Variants in MAP2K3 observed in about 807,000 individuals in gnomAD.
MAP2K3 encodes mitogen-activated protein kinase kinase 3, also known as dual specificity mitogen-activated protein kinase kinase 3.
Under a neutral mutation model 46.4 loss-of-function variants are expected in MAP2K3, and 30 were observed. The ratio of observed to expected loss-of-function variants is 0.65; its 90% CI spans 0.48 to 0.88. The LOEUF (loss-of-function observed/expected upper bound fraction) is 0.88, where lower values mean the gene tolerates loss of function less well. Among genes scored for constraint, MAP2K3 ranks in the 40% least tolerant of loss-of-function variants. MAP2K3 has a pLI of 0.00. For missense variants in MAP2K3, 380 were observed against 464.5 expected, an observed-to-expected ratio of 0.82 and a Z score of 1.67; for synonymous variants, 189 against 176.3, an observed-to-expected ratio of 1.07 and a Z score of -0.57.
At chr17:21,296,210 G>C (rs1339531964) in intron 1 of MAP2K3, 1 of 1,286,884 alleles carries the variant, frequency 7.8e-7, no homozygotes, top group African/African-American at 1.5e-5. Context: ...GTGCGGGGCA[G>C]GTGGGTGGCA....
At chr17:21,293,843 A>C (rs910612692) in intron 1 of MAP2K3, among the ~76,000 whole-genome samples, 20 of 152,272 alleles carry the variant, frequency 1.3e-4, no homozygotes, top group Non-Finnish European at 1.5e-4. Context: ...GCACTTGGTT[A>C]GATGGGAGAA....
chr17:21,292,164 G>GTGCT (rs1186914911), intron 1 of MAP2K3, among the ~76,000 whole-genome samples: 1 of 152,308 alleles, frequency 6.6e-6, no homozygotes, highest in Admixed American at 6.5e-5. Context: ...GCAGCCTGCT[G>GTGCT]CGGGGGCTGT....
At chr17:21,294,446 G>A (rs1175178820) in intron 1 of MAP2K3, among the ~76,000 whole-genome samples, 5 of 152,308 alleles carry the variant, frequency 3.3e-5, no homozygotes. Flanking sequence ...TCTTGCCCCT[G>A]TGGGTGACCC....
chr17:21,300,916 C>T lies in MAP2K3; in HGVS notation c.322C>T (p.Leu108Phe), dbSNP rs1322230590. 2 of 1,614,242 alleles carry T rather than the reference C, an allele frequency of 1.2e-6. No individual in the cohort carries two copies. Among genetic ancestry groups the T allele is most frequent in the Non-Finnish European group, 1.7e-6 (2 of 1,180,050 alleles). ...TVNSQEQKRL[L>F]MDLDINMRTV... is the part of the protein sequence containing the mutation. ...GAACTCACAGGAGCAGAAGCGGCTGCTCATGGACCTGGACATCAACATGCG... is the reference window on the plus strand; with the variant it reads ...GAACTCACAGGAGCAGAAGCGGCTGTTCATGGACCTGGACATCAACATGCG... The change falls in exon 5 of 12, where the codon CTC (leucine) becomes TTC (phenylalanine). Residue 108 changes from leucine to phenylalanine, a missense_variant. Around this residue, in one of 5 missense-constraint regions of MAP2K3, gnomAD observed 294 missense variants for 275.4 expected, o/e 1.07. Coordinates refer to ENST00000342679, the MANE Select transcript of MAP2K3 (RefSeq NM_145109.3).
intron 1 of MAP2K3, among the ~76,000 whole-genome samples, chr17:21,286,178 T>TA (rs1975717517): frequency 6.6e-6 from 1 of 152,224 alleles, no homozygotes. Flanking sequence ...TCTCTCAGCG[T>TA]AGCACCTGGC....
intron 1 of MAP2K3, chr17:21,285,334 T>G (rs971764757): frequency 1.7e-5 from 16 of 968,822 alleles, no homozygotes; most frequent in South Asian, 9.5e-5. Flanking sequence ...CAGGTGAGAT[T>G]CACACTGGCC....
At chr17:21,287,889 A>G (rs1567655832) in intron 1 of MAP2K3, 1 of 468,848 alleles carries the variant, frequency 2.1e-6, no homozygotes, top group East Asian at 7.0e-5. Context: ...GCACTGTTGT[A>G]TCCTAGCCCT....
intron 1 of MAP2K3, among the ~76,000 whole-genome samples, chr17:21,287,176 T>G (rs914935227): frequency 2.6e-5 from 4 of 152,212 alleles, no homozygotes; most frequent in Non-Finnish European, 4.4e-5. Flanking sequence ...ACCCCTGGCC[T>G]TGCTCAGAGC....
At chr17:21,300,813 T>A (rs1976553128) in intron 4 of MAP2K3, 61 bp from the exon 5 acceptor site, 1 of 1,613,028 alleles carries the variant, frequency 6.2e-7, no homozygotes, top group Admixed American at 1.7e-5. Flanking sequence ...GGCCCTCCTG[T>A]CATGAGTGTG....
intron 4 of MAP2K3, 59 bp from the exon 5 acceptor site, chr17:21,300,810 CTGTCA>C: frequency 6.2e-7 from 1 of 1,612,884 alleles, no homozygotes; most frequent in South Asian, 1.1e-5. Flanking sequence ...CCTGGCCCTC[CTGTCA>C]TGAGTGTGGG....
chr17:21,291,993 G>A (rs1343825805), intron 1 of MAP2K3, among the ~76,000 whole-genome samples: 1 of 152,312 alleles, frequency 6.6e-6, no homozygotes, highest in Non-Finnish European at 1.5e-5. Flanking sequence ...ACGGGCCGAC[G>A]CTGTGGTGGT....
At chr17:21,295,601 A>G in intron 1 of MAP2K3, 1 of 1,283,640 alleles carries the variant, frequency 7.8e-7, no homozygotes, top group Non-Finnish European at 1.0e-6. Context: ...GGCCTCACCC[A>G]CTCCCTCTGA....
intron 8 of MAP2K3, 25 bp downstream of exon 8, chr17:21,304,578 G>T: frequency 6.2e-7 from 1 of 1,614,218 alleles, no homozygotes; most frequent in Non-Finnish European, 8.5e-7. Flanking sequence ...AGCCCCCCAG[G>T]CTCAGGAGAG....
intron 1 of MAP2K3, among the ~76,000 whole-genome samples, chr17:21,293,858 C>T (rs1168983733): frequency 6.6e-6 from 1 of 152,310 alleles, no homozygotes; most frequent in African/African-American, 2.4e-5. Context: ...GGAGAACCTT[C>T]CCCTTGTCCT....
chr17:21,289,198 G>A (rs1302769364), intron 1 of MAP2K3, among the ~76,000 whole-genome samples: 2 of 152,206 alleles, frequency 1.3e-5, no homozygotes, highest in Non-Finnish European at 1.5e-5. Context: ...GGTCCCCAAC[G>A]TGGGGCTGGG....
At chr17:21,300,400 A>C in intron 3 of MAP2K3, 145 bp from the exon 4 acceptor site, 1 of 816,952 alleles carries the variant, frequency 1.2e-6, no homozygotes, top group Non-Finnish European at 2.0e-6. Context: ...GCTGAGGGTC[A>C]CACAGCAGGG....
In MAP2K3 at chr17:21,314,470, T is replaced by A. The variant is rs2363191; in HGVS notation, c.*240T>A. 3.3e-5 allele frequency: 18 copies of A among 544,330 alleles called. No individual in the cohort carries two copies. The highest frequency in any genetic ancestry group is 1.5e-4 in the South Asian group (7 of 48,200). The allele number at this position is 544,330 out of a possible 1,614,324, so 33.7% of individuals were successfully genotyped here. On this transcript the variant is annotated 3_prime_UTR_variant, in exon 12 of 12. Coordinates refer to ENST00000342679, the MANE Select transcript of MAP2K3 (RefSeq NM_145109.3). ...CACCAGTGCCTCTCCCTGCTGCTCC[T>A]AGGACCCGTCTCCAGCTGCTGAGAT...
chr17:21,299,388 A>G (rs1203579592), intron 3 of MAP2K3, among the ~76,000 whole-genome samples: 1 of 152,286 alleles, frequency 6.6e-6, no homozygotes, highest in Non-Finnish European at 1.5e-5. Flanking sequence ...CCCAACAGAA[A>G]CCCTACTCCC....
chr17:21,298,323 C>G (rs897582304), intron 1 of MAP2K3, 90 bp from the exon 2 acceptor site: 13 of 1,577,800 alleles, frequency 8.2e-6, no homozygotes, highest in Non-Finnish European at 1.1e-5. Context: ...GGCTGGCACC[C>G]TTGTGGGCCA....
Sources: gnomAD v4.1 joint callset for allele counts (sites outside exome capture counted in the v4.1 genomes callset) on GRCh38, gnomAD v4.1.1 for gene constraint, gnomAD v4.1.1 regional missense constraint, MANE v1.5 for transcripts, NCBI Gene and HGNC (gene_info 2026-07-23, HGNC 2026-07-21) for gene names.